PGR: variants seen among roughly 807,000 people sequenced by gnomAD.
PGR encodes the protein progesterone receptor, also known as nuclear receptor subfamily 3 group C member 3.
A neutral mutation model predicts 76.1 loss-of-function variants in PGR; 25 were observed. That is an observed-to-expected ratio of 0.33 (90% CI 0.24 to 0.46). The LOEUF (loss-of-function observed/expected upper bound fraction) is 0.46. Among genes scored for constraint, PGR ranks in the 20% least tolerant of loss-of-function variants. The pLI is 1.00. For missense variants in PGR, 1,172 were observed against 1,225.3 expected (o/e 0.96, Z 0.65); for synonymous variants, 579 against 535.0 (o/e 1.08, Z -1.14).
At chr11:101,063,778 A>G (rs1355705958) in intron 3 of PGR, 2 of 152,204 alleles carry the variant, frequency 1.3e-5, no homozygotes, top group Non-Finnish European at 2.9e-5. Context: ...AATGCTGACC[A>G]GAATTATGAG....
At chr11:101,121,941 C>T (rs953372466) in intron 2 of PGR, among the ~76,000 whole-genome samples, 5 of 151,940 alleles carry the variant, frequency 3.3e-5, no homozygotes, top group African/African-American at 4.8e-5. Flanking sequence ...CCGAGGCAGG[C>T]GGATCATGAG....
chr11:101,057,491 A>G (rs1461092528), intron 4 of PGR, among the ~76,000 whole-genome samples: 1 of 152,162 alleles, frequency 6.6e-6, no homozygotes, highest in African/African-American at 2.4e-5. Context: ...AAAGAAATGG[A>G]AAATATGATT....
intron 4 of PGR, among the ~76,000 whole-genome samples, chr11:101,056,807 T>C (rs1316029996): frequency 6.6e-6 from 1 of 152,180 alleles, no homozygotes; most frequent in Non-Finnish European, 1.5e-5. Flanking sequence ...TCTCAGCACC[T>C]TCTGACACAA....
In PGR at chr11:101,128,636, G is replaced by C. The variant is rs141122333; in HGVS notation, c.435C>G (p.Pro145=). 6 of 1,589,166 alleles carry C rather than the reference G, an allele frequency of 3.8e-6. No homozygotes were observed. Among genetic ancestry groups the C allele is most frequent in the Non-Finnish European group, 5.1e-6 (6 of 1,169,506 alleles). Residue 145 remains proline (P), a synonymous_variant, in exon 1 of 8, where the codon CCC becomes CCG. Transcript: ENST00000325455. ...EVTSSWCLFG[P]ELPEDPPAAP... is the part of the protein sequence containing the mutation. ...CAGCCGGTGGATCTTCGGGAAGTTCGGGGCCAAACAGGCACCAAGAGCTGG... is the reference window on the plus strand; with the variant it reads ...CAGCCGGTGGATCTTCGGGAAGTTCCGGGCCAAACAGGCACCAAGAGCTGG...
chr11:101,119,865 A>G (rs1862623191), intron 2 of PGR, among the ~76,000 whole-genome samples: 1 of 152,224 alleles, frequency 6.6e-6, no homozygotes, highest in South Asian at 2.1e-4. Context: ...GCAGGAATTT[A>G]AGATACAGAA....
At chr11:101,054,077 T>C (rs1860202017) in intron 4 of PGR, among the ~76,000 whole-genome samples, 1 of 152,222 alleles carries the variant, frequency 6.6e-6, no homozygotes, top group African/African-American at 2.4e-5. Context: ...TGGGAGGATT[T>C]GTGATGCTTG....
rs1030628859 is a variant in PGR at position 101,069,172 on chromosome 11, G to GA, written c.1907-6421dup. 6.5e-3 allele frequency among the ~76,000 whole-genome samples: 957 copies of GA among 146,252 alleles called. 12 individuals carry two copies. Among genetic ancestry groups the GA allele is most frequent in the African/African-American group, 0.021 (836 of 39,982 alleles). ...ACAGGGAACTTAAACAAATTTACAA[G>GA]AAAAAAAAAACATCAAAAAGTGGGT... is the stretch of plus-strand genomic sequence containing the variant. On this transcript the variant is annotated intron_variant, in intron 3 of 7. Transcript: ENST00000325455.
At chr11:101,107,088 G>A (rs1447468808) in intron 2 of PGR, among the ~76,000 whole-genome samples, 1 of 152,138 alleles carries the variant, frequency 6.6e-6, no homozygotes, top group Admixed American at 6.6e-5. Flanking sequence ...GGGAGAGATA[G>A]CATTAGGAGA....
At chr11:101,084,007 C>T (rs487271) in intron 3 of PGR, among the ~76,000 whole-genome samples, 29,332 of 152,010 alleles carry the variant, frequency 0.19, 3,541 homozygotes, top group African/African-American at 0.35. Context: ...CCAAATCTCA[C>T]GTTGAATTGT....
At chr11:101,055,860 C>A (rs1256917401) in intron 4 of PGR, among the ~76,000 whole-genome samples, 1 of 152,020 alleles carries the variant, frequency 6.6e-6, no homozygotes, top group African/African-American at 2.4e-5. Flanking sequence ...ACATTAAAGG[C>A]AAATCTTATT....
At chr11:101,099,178 A>G (rs1396066479) in intron 2 of PGR, among the ~76,000 whole-genome samples, 1 of 152,232 alleles carries the variant, frequency 6.6e-6, no homozygotes, top group African/African-American at 2.4e-5. Flanking sequence ...ATGATCACCT[A>G]CAGCATAATG....
rs555114061 is a variant in PGR, at chr11:101,088,476, C to G, written c.1906+3284G>C. Among the ~76,000 whole-genome samples the G allele has an allele frequency of 5.3e-5, 8 of 152,200 alleles. No homozygotes were observed. In the East Asian group the frequency reaches 1.6e-3, roughly 30 times the overall value. On this transcript the variant is annotated intron_variant, in intron 3 of 7. Coordinates refer to ENST00000325455, the MANE Select transcript of PGR (RefSeq NM_000926.4). ...CCTCCCAAGTAGGTGGGACTACAGG[C>G]GCCTGCCACCATGCCTGGCTAATTT... is the stretch of plus-strand genomic sequence containing the variant.
intron 5 of PGR, chr11:101,051,069 G>T (rs11571235): frequency 0.012 from 2,300 of 189,674 alleles, 63 homozygotes; most frequent in African/African-American, 0.052. Flanking sequence ...AGTCTAATTT[G>T]TCATGTATGA....
Position 101,030,660 on chromosome 11 carries a change from C to T in PGR, c.*8456G>A, listed in dbSNP as rs1859322755. 4.7e-6 allele frequency: 1 copy of T among 211,650 alleles called. No individual in the cohort carries two copies. Among genetic ancestry groups the T allele is most frequent in the African/African-American group, 2.3e-5 (1 of 44,180 alleles). The allele number at this position is 211,650 out of a possible 1,614,324, so 13.1% of individuals were successfully genotyped here. ...AGCGGAAATGTTCAAAGAAAGTCAACATTCAGCTTTTGACTTCCTCAGTTG... is the reference window on the plus strand; with the variant it reads ...AGCGGAAATGTTCAAAGAAAGTCAATATTCAGCTTTTGACTTCCTCAGTTG... On this transcript the variant is annotated 3_prime_UTR_variant, in exon 8 of 8. Coordinates refer to ENST00000325455, the MANE Select transcript of PGR (RefSeq NM_000926.4).
intron 2 of PGR, among the ~76,000 whole-genome samples, chr11:101,120,440 A>G (rs1485775818): frequency 6.6e-6 from 1 of 152,232 alleles, no homozygotes; most frequent in Non-Finnish European, 1.5e-5. Flanking sequence ...CAAGACATGT[A>G]CCAAAGGAGA....
At position 101,129,136 on chromosome 11, in the gene PGR, G is replaced by T; in HGVS notation, c.-66C>A. On this transcript the variant is annotated 5_prime_UTR_variant, in exon 1 of 8. Coordinates refer to ENST00000325455, the MANE Select transcript of PGR (RefSeq NM_000926.4). Reference sequence around the variant, plus strand: ...GGAGGGAAAAGGGAAGGAGGAGGGGGTTTCGGGAATATAGGGGCAGAGGGA... The same window carrying T: ...GGAGGGAAAAGGGAAGGAGGAGGGGTTTTCGGGAATATAGGGGCAGAGGGA... 3 of 1,378,540 alleles carry T rather than the reference G, an allele frequency of 2.2e-6. No homozygotes were observed. Among genetic ancestry groups the T allele is most frequent in the Middle Eastern group, 2.1e-4 (1 of 4,778 alleles). 85.4% of individuals were successfully genotyped at this position (1,378,540 alleles called of 1,614,324 possible).
intron 3 of PGR, among the ~76,000 whole-genome samples, chr11:101,089,940 T>C (rs1213436844): frequency 6.6e-6 from 1 of 152,214 alleles, no homozygotes; most frequent in East Asian, 1.9e-4. Flanking sequence ...GGCTCACGCC[T>C]GTAATCCCAG....
In PGR at chr11:101,088,063, T is replaced by C. The variant is rs561315798; in HGVS notation, c.1906+3697A>G. 1.8e-3 allele frequency among the ~76,000 whole-genome samples: 269 copies of C among 151,278 alleles called. 1 individual carries two copies. The highest frequency in any genetic ancestry group is 6.2e-3 in the African/African-American group (255 of 41,302). On this transcript the variant is annotated intron_variant, in intron 3 of 7. Transcript: ENST00000325455. ...TAAATAAAAAGTTTGCCAGGTGTGG[T>C]GGTGCGTGCCTGTAGTCTCAGCTAC...
In PGR at chr11:101,035,913, C is replaced by T. The variant is rs1859495547; in HGVS notation, c.*3203G>A. On this transcript the variant is annotated 3_prime_UTR_variant, in exon 8 of 8. Transcript: ENST00000325455. ...GATAAAATTATAGCCAGAACTATGG[C>T]TTAATGAAAACAAAATAGTAGCAAT... is the stretch of plus-strand genomic sequence containing the variant. 2 of 228,032 alleles carry T rather than the reference C, an allele frequency of 8.8e-6. No individual in the cohort carries two copies. The highest frequency in any genetic ancestry group is 1.3e-4 in the East Asian group (2 of 15,846). The allele number at this position is 228,032 out of a possible 1,614,324, so 14.1% of individuals were successfully genotyped here. A position where few individuals can be genotyped will look rare whatever the true frequency, so the allele number is the denominator to read the frequency against.
Sources: allele counts gnomAD v4.1 joint callset (sites outside exome capture counted in the v4.1 genomes callset), GRCh38; gene constraint gnomAD v4.1.1; transcripts MANE v1.5; gene names NCBI Gene and HGNC (gene_info 2026-07-23, HGNC 2026-07-21).